The following GABRB3 variants were observed in gnomAD, a reference collection of about 807,000 sequenced individuals.
The protein encoded by GABRB3 is gamma-aminobutyric acid receptor subunit beta-3.
Under a neutral mutation model 52.1 loss-of-function variants are expected in GABRB3, and 14 were observed. The observed-to-expected ratio is 0.27, with a 90% CI of 0.18 to 0.42. GABRB3 has a LOEUF of 0.42. Among genes scored for constraint, GABRB3 ranks in the 10% least tolerant of loss-of-function variants. The probability of loss-of-function intolerance (pLI) is 1.00; values close to 1 mark genes in which losing one functional copy is unlikely to be tolerated. For synonymous variants in GABRB3, 260 were observed against 232.3 expected (o/e 1.12, Z -1.08); for missense variants, 307 against 609.1 (o/e 0.50, Z 5.22).
chr15:26,649,009 A>C (rs2140585627), intron 3 of GABRB3, among the ~76,000 whole-genome samples: 1 of 152,086 alleles, frequency 6.6e-6, no homozygotes, highest in South Asian at 2.1e-4. Context: ...GAGCTAAGAG[A>C]TGAGAAGATA....
At chr15:26,566,087 T>G (rs1026573773) in intron 7 of GABRB3, among the ~76,000 whole-genome samples, 5 of 152,194 alleles carry the variant, frequency 3.3e-5, no homozygotes, top group Non-Finnish European at 5.9e-5. Flanking sequence ...AGACTGACAT[T>G]ACTGGGGAAG....
rs575432511 is a variant in GABRB3, at chr15:26,699,156, G to C, written c.240+73246C>G. 3.3e-5 allele frequency among the ~76,000 whole-genome samples: 5 copies of C among 152,274 alleles called. No individual in the cohort carries two copies. The East Asian group carries it at 9.7e-4, about 29-fold the overall frequency. ...GTCAGAGTTTAAGAAGAAGTTTCCA[G>C]AACTGGGAACAGTATCTGTTCCCAC... On this transcript the variant is annotated intron_variant, in intron 3 of 8. Transcript: ENST00000311550.
chr15:26,673,033 G>A (rs755133634), intron 3 of GABRB3, among the ~76,000 whole-genome samples: 1 of 152,156 alleles, frequency 6.6e-6, no homozygotes, highest in South Asian at 2.1e-4. Context: ...GCAAAAATCA[G>A]AGTATATCAT....
chr15:26,708,687 G>A (rs558358625), intron 3 of GABRB3, among the ~76,000 whole-genome samples: 1 of 152,232 alleles, frequency 6.6e-6, no homozygotes, highest in Non-Finnish European at 1.5e-5. Flanking sequence ...AAGACCTGAA[G>A]TGGAAGATAG....
intron 3 of GABRB3, among the ~76,000 whole-genome samples, chr15:26,685,948 G>T (rs931382691): frequency 6.6e-6 from 1 of 152,052 alleles, no homozygotes; most frequent in Non-Finnish European, 1.5e-5. Context: ...AGGATAAAAG[G>T]TGTTCACCAC....
intron 4 of GABRB3, among the ~76,000 whole-genome samples, chr15:26,617,846 T>A (rs1595486763): frequency 1.3e-5 from 2 of 151,566 alleles, no homozygotes; most frequent in Non-Finnish European, 2.9e-5. Context: ...TGTACAAAAA[T>A]CACAAGCATT....
chr15:26,691,937 T>C (rs2140665426), intron 3 of GABRB3, among the ~76,000 whole-genome samples: 1 of 152,360 alleles, frequency 6.6e-6, no homozygotes, highest in East Asian at 1.9e-4. Context: ...CTATTATAAC[T>C]AACCTGCTCA....
chr15:26,727,986 A>G (rs1595554610), intron 3 of GABRB3, among the ~76,000 whole-genome samples: 1 of 152,354 alleles, frequency 6.6e-6, no homozygotes, highest in East Asian at 1.9e-4. Flanking sequence ...ACTAGAATAC[A>G]ATACTTGAGA....
intron 3 of GABRB3, among the ~76,000 whole-genome samples, chr15:26,716,434 A>C (rs747374309): frequency 7.9e-5 from 12 of 152,144 alleles, no homozygotes; most frequent in Non-Finnish European, 4.4e-5. Context: ...CAGAGCTAAG[A>C]GCTCCCCTCT....
intron 3 of GABRB3, among the ~76,000 whole-genome samples, chr15:26,768,787 T>C (rs879475282): frequency 1.3e-5 from 2 of 151,822 alleles, no homozygotes; most frequent in Non-Finnish European, 2.9e-5. Flanking sequence ...CTTTGACAAG[T>C]ATCAGGTCAA....
chr15:26,700,732 T>C (rs1888901090), intron 3 of GABRB3, among the ~76,000 whole-genome samples: 3 of 152,240 alleles, frequency 2.0e-5, no homozygotes, highest in African/African-American at 7.2e-5. Context: ...GGAAAAACAT[T>C]TGACGAAAGT....
Position 26,554,191 on chromosome 15 carries a change from C to CTA in GABRB3, c.1081-6059_1081-6058dup, listed in dbSNP as rs1491384985. Among the ~76,000 whole-genome samples, 101 of 15,574 alleles carry CTA rather than the reference C, an allele frequency of 6.5e-3. 7 individuals are homozygous for CTA. In the East Asian group the frequency reaches 0.11, roughly 17 times the overall value. 10.2% of individuals were successfully genotyped at this position (15,574 alleles called of 152,430 possible). On this transcript the variant is annotated intron_variant, in intron 8 of 8. Coordinates refer to ENST00000311550, the MANE Select transcript of GABRB3 (RefSeq NM_000814.6). ...TATATATAAAGTATATATATATATA[C>CTA]TATATATATATATATATAGTAGAAA...
chr15:26,623,734 G>A (rs1289373717), intron 3 of GABRB3, among the ~76,000 whole-genome samples: 1 of 152,050 alleles, frequency 6.6e-6, no homozygotes, highest in African/African-American at 2.4e-5. Flanking sequence ...CAGCCCCTGT[G>A]CCCCAAGGGC....
intron 3 of GABRB3, among the ~76,000 whole-genome samples, chr15:26,765,847 T>C (rs1890982462): frequency 6.6e-6 from 1 of 152,212 alleles, no homozygotes; most frequent in East Asian, 1.9e-4. Context: ...TGGAAGAAGA[T>C]AAAGTCCTGT....
At chr15:26,748,430 G>GGGTA (rs1407765701) in intron 3 of GABRB3, among the ~76,000 whole-genome samples, 3 of 152,030 alleles carry the variant, frequency 2.0e-5, no homozygotes, top group African/African-American at 4.8e-5. Context: ...ACTTCATCTT[G>GGGTA]GGTACATTTT....
chr15:26,606,416 T>A lies in GABRB3; in HGVS notation c.461+14898A>T, dbSNP rs570957843. ...AAATATCTCATGTATCCCATGAATA[T>A]AGACATCTACTATGTACCCACAAAA... On this transcript the variant is annotated intron_variant, in intron 4 of 8. Transcript: ENST00000311550. Among the ~76,000 whole-genome samples the A allele has an allele frequency of 2.6e-5, 4 of 152,188 alleles. No homozygotes were observed. The South Asian group carries it at 8.3e-4, about 32-fold the overall frequency.
rs1555370497 is a variant in GABRB3, at chr15:26,606,776, A to AGATATATC, written c.461+14537_461+14538insGATATATC. Among the ~76,000 whole-genome samples the AGATATATC allele has an allele frequency of 6.0e-3, 710 of 118,398 alleles. 11 individuals carry two copies. Among genetic ancestry groups the AGATATATC allele is most frequent in the African/African-American group, 0.024 (682 of 28,760 alleles). 77.7% of individuals were successfully genotyped at this position (118,398 alleles called of 152,430 possible). On this transcript the variant is annotated intron_variant, in intron 4 of 8. Coordinates refer to ENST00000311550, the MANE Select transcript of GABRB3 (RefSeq NM_000814.6). ...CATACATATCTGTCTATCTATAGAT[A>AGATATATC]GATAGATATATCTATAGATAGATAT...
At chr15:26,701,680 A>C (rs1888941306) in intron 3 of GABRB3, among the ~76,000 whole-genome samples, 1 of 152,234 alleles carries the variant, frequency 6.6e-6, no homozygotes. Flanking sequence ...GTGTATTCAA[A>C]TCAATTTTAA....
At chr15:26,603,361 C>G (rs1025022481) in intron 4 of GABRB3, among the ~76,000 whole-genome samples, 1 of 152,004 alleles carries the variant, frequency 6.6e-6, no homozygotes, top group Non-Finnish European at 1.5e-5. Context: ...CATACTCAAA[C>G]TGTTCCAAAA....
Sources: allele counts gnomAD v4.1 joint callset (sites outside exome capture counted in the v4.1 genomes callset), GRCh38; gene constraint gnomAD v4.1.1; transcripts MANE v1.5; gene names NCBI Gene and HGNC (gene_info 2026-07-23, HGNC 2026-07-21).